The following DIAPH2 variants were observed in gnomAD, a reference collection of about 807,000 sequenced individuals.
DIAPH2 encodes the protein diaphanous related formin 2, also known as protein diaphanous homolog 2.
Under a neutral mutation model 92.7 loss-of-function variants are expected in DIAPH2, and 35 were observed. The observed-to-expected ratio is 0.38, with a 90% confidence interval of 0.29 to 0.50. DIAPH2 has a LOEUF of 0.50. DIAPH2 is among the 20% of genes least tolerant of loss of function. DIAPH2 has a pLI of 0.94. For missense variants in DIAPH2, 701 were observed against 819.5 expected (o/e 0.86, Z 1.77); for synonymous variants, 301 against 280.4 (o/e 1.07, Z -0.73).
At chrX:96,995,789 C>G (rs892209466) in intron 17 of DIAPH2, among the ~76,000 whole-genome samples, 2 of 106,869 alleles carry the variant, frequency 1.9e-5, no homozygotes, top group Non-Finnish European at 3.9e-5. Context: ...GTCTTATAGG[C>G]AGTAATGTGT....
At chrX:97,064,568 T>C (rs1481998394) in intron 17 of DIAPH2, among the ~76,000 whole-genome samples, 1 of 110,156 alleles carries the variant, frequency 9.1e-6, no homozygotes, top group African/African-American at 3.3e-5. Context: ...CCTGCAACCA[T>C]AAAAAATTAA....
At chrX:97,509,471 C>CTTTTTTTT (rs57153955) in intron 26 of DIAPH2, among the ~76,000 whole-genome samples, 1 of 6,732 alleles carries the variant, frequency 1.5e-4, no homozygotes, top group East Asian at 7.2e-3. Flanking sequence ...ATTCATGTTG[C>CTTTTTTTT]TTTTTTTTTT....
intron 4 of DIAPH2, among the ~76,000 whole-genome samples, chrX:96,824,843 A>G (rs1055573847): frequency 7.2e-5 from 8 of 111,867 alleles, no homozygotes; most frequent in Non-Finnish European, 1.3e-4. Context: ...CTGCTTAGCT[A>G]TATCTCTTAA....
At chrX:97,033,089 C>T in intron 17 of DIAPH2, among the ~76,000 whole-genome samples, 1 of 111,657 alleles carries the variant, frequency 9.0e-6, no homozygotes, top group East Asian at 2.8e-4. Flanking sequence ...CAGCCATCTA[C>T]AAAGAGGTTG....
rs1162216702 is a variant in DIAPH2, at chrX:97,603,831, A to G, written c.*4514A>G. 3 of 111,975 alleles carry G rather than the reference A, an allele frequency of 2.7e-5. No individual in the cohort carries two copies. The highest frequency in any genetic ancestry group is 3.8e-5 in the Non-Finnish European group (2 of 53,216). 9.2% of individuals were successfully genotyped at this position (111,975 alleles called of 1,213,427 possible). A position where few individuals can be genotyped will look rare whatever the true frequency, so the allele number is the denominator to read the frequency against. ...TGCCTTTAACATTCATACTACTACC[A>G]TCTGGTAAAGGCAATCTAGTTTTTT... On this transcript the variant is annotated 3_prime_UTR_variant, in exon 27 of 27. Coordinates refer to ENST00000324765, the MANE Select transcript of DIAPH2 (RefSeq NM_006729.5).
intron 1 of DIAPH2, among the ~76,000 whole-genome samples, chrX:96,705,176 G>A (rs1218189314): frequency 9.1e-6 from 1 of 109,898 alleles, no homozygotes; most frequent in Non-Finnish European, 1.9e-5. Flanking sequence ...GTTTCACCAT[G>A]TTGGTCAGGC....
At chrX:96,884,726 G>T (rs187756303) in intron 5 of DIAPH2, 1 of 1,208,178 alleles carries the variant, frequency 8.3e-7, no homozygotes, top group East Asian at 3.0e-5. Flanking sequence ...GGAACAAAGA[G>T]CCTTGAGGTA....
intron 16 of DIAPH2, among the ~76,000 whole-genome samples, chrX:96,959,752 C>G (rs147058393): frequency 8.2e-4 from 91 of 111,465 alleles, no homozygotes; most frequent in African/African-American, 2.8e-3. Flanking sequence ...AGTCTCAGGT[C>G]TTATGCTTAA....
intron 26 of DIAPH2, among the ~76,000 whole-genome samples, chrX:97,492,574 A>T (rs1410234527): frequency 9.0e-6 from 1 of 111,647 alleles, no homozygotes; most frequent in Non-Finnish European, 1.9e-5. Context: ...AACTCCCGTT[A>T]GCATCATGTC....
At chrX:97,185,484 T>TTTATACAC (rs2067592654) in intron 22 of DIAPH2, among the ~76,000 whole-genome samples, 2 of 11,416 alleles carry the variant, frequency 1.8e-4, no homozygotes, top group Non-Finnish European at 2.1e-4. Flanking sequence ...CATATATATA[T>TTTATACAC]ATATATATAT....
At chrX:96,825,113 T>A (rs6620181) in intron 4 of DIAPH2, among the ~76,000 whole-genome samples, 10,568 of 101,815 alleles carry the variant, frequency 0.1, 522 homozygotes, top group East Asian at 0.31. Flanking sequence ...GCCTGGCTAA[T>A]TTTTGTATTT....
At chrX:97,540,376 T>C (rs1399098702) in intron 26 of DIAPH2, among the ~76,000 whole-genome samples, 1 of 111,868 alleles carries the variant, frequency 8.9e-6, no homozygotes, top group African/African-American at 3.2e-5. Context: ...TTCCAGGAAG[T>C]TGGGAATGTC....
At chrX:97,469,442 G>A (rs2070542990) in intron 26 of DIAPH2, among the ~76,000 whole-genome samples, 1 of 111,491 alleles carries the variant, frequency 9.0e-6, no homozygotes, top group East Asian at 2.8e-4. Context: ...CTGGCAATAC[G>A]CAGTTCATTC....
chrX:97,070,973 T>C (rs1260691062), intron 17 of DIAPH2, among the ~76,000 whole-genome samples: 1 of 111,849 alleles, frequency 8.9e-6, no homozygotes, highest in East Asian at 2.8e-4. Flanking sequence ...AGAACCATCT[T>C]TATAGGTCCT....
intron 4 of DIAPH2, among the ~76,000 whole-genome samples, chrX:96,821,893 C>G (rs2064780561): frequency 8.9e-6 from 1 of 111,817 alleles, no homozygotes; most frequent in Non-Finnish European, 1.9e-5. Context: ...GCATTGAACT[C>G]TTTTTCTACA....
chrX:97,321,377 T>C (rs2068892560), intron 23 of DIAPH2, among the ~76,000 whole-genome samples: 1 of 110,397 alleles, frequency 9.1e-6, no homozygotes, highest in African/African-American at 3.3e-5. Flanking sequence ...ATTATTATCA[T>C]AATGTTATTT....
At chrX:96,947,677 A>T in intron 14 of DIAPH2, among the ~76,000 whole-genome samples, 1 of 111,998 alleles carries the variant, frequency 8.9e-6, no homozygotes, top group Middle Eastern at 4.6e-3. Flanking sequence ...CAAAGCTACT[A>T]TGAGGATGAA....
intron 23 of DIAPH2, among the ~76,000 whole-genome samples, chrX:97,297,322 G>A (rs770623073): frequency 6.4e-5 from 7 of 109,411 alleles, no homozygotes; most frequent in Admixed American, 5.0e-4. Context: ...ATTCTTGATC[G>A]CAGAGTTGCT....
intron 20 of DIAPH2, 53 bp downstream of exon 20, chrX:97,099,848 C>A: frequency 1.5e-6 from 1 of 650,910 alleles, no homozygotes; most frequent in Non-Finnish European, 2.2e-6. Context: ...TAACACTTGC[C>A]AGAAACAGTG....
Sources: allele counts gnomAD v4.1 joint callset (sites outside exome capture counted in the v4.1 genomes callset), GRCh38; gene constraint gnomAD v4.1.1; transcripts MANE v1.5; gene names NCBI Gene and HGNC (gene_info 2026-07-23, HGNC 2026-07-21).